The following INTS2 variants were observed in gnomAD, a reference collection of about 807,000 sequenced individuals.
INTS2 encodes KIAA1287.
Under a neutral mutation model 139.6 loss-of-function variants are expected in INTS2, and 57 were observed. That is an observed-to-expected ratio of 0.41 (90% CI 0.33 to 0.51). INTS2 has a LOEUF of 0.51. INTS2 is among the 20% of genes least tolerant of loss of function. The probability of loss-of-function intolerance (pLI) is 0.28; values close to 1 mark genes in which losing one functional copy is unlikely to be tolerated. For missense variants in INTS2, 1,196 were observed against 1,436.7 expected (o/e 0.83, Z 2.71); for synonymous variants, 473 against 493.4 (o/e 0.96, Z 0.55).
intron 15 of INTS2, 118 bp from the exon 16 acceptor site, chr17:61,885,123 G>A (rs999647408): frequency 2.3e-5 from 15 of 662,028 alleles, no homozygotes; most frequent in African/African-American, 2.0e-4. Context: ...ATTAACCTGC[G>A]AATATAGCAT....
chr17:61,879,020 TA>T (rs1336151375), intron 17 of INTS2, among the ~76,000 whole-genome samples: 3 of 150,748 alleles, frequency 2.0e-5, no homozygotes, highest in Non-Finnish European at 3.0e-5. Context: ...TTTTTTAATT[TA>T]TTTTTTTTCA....
chr17:61,903,352 G>C (rs2079428788), intron 9 of INTS2, among the ~76,000 whole-genome samples: 1 of 151,380 alleles, frequency 6.6e-6, no homozygotes, highest in African/African-American at 2.4e-5. Context: ...CACCACGCCT[G>C]GGTAATATGA....
Position 61,869,078 on chromosome 17 carries a change from C to T in INTS2, c.3200G>A (p.Ser1067Asn), listed in dbSNP as rs207476529. 3.1e-6 allele frequency: 5 copies of T among 1,613,004 alleles called. No individual in the cohort carries two copies. The highest frequency in any genetic ancestry group is 3.4e-6 in the Non-Finnish European group (4 of 1,179,188). ...GACATTGACAGCTAAACGAGCCACA[C>T]TAAGTGACTTTGGTAATGCATATTG... ...CIQYALPKSL[S>N]VARLAVNVMG... is the part of the protein sequence containing the mutation. Residue 1067 changes from serine to asparagine, a missense_variant, in exon 23 of 25, where the codon AGT becomes AAT. Around this residue, in one of 3 missense-constraint regions of INTS2, gnomAD observed 1,129 missense variants for 1,341.9 expected, o/e 0.84. Transcript: ENST00000251334. The surrounding 1 kb of genome is among the most constrained non-coding windows in gnomAD (Gnocchi z 5.4).
In INTS2 at chr17:61,867,404, T is replaced by TA. The variant is rs1603370630; in HGVS notation, c.*152dup. ...CAGAAACAAGCAAGCATAATTCTCA[T>TA]AAAGTTCTAAACTATACTCATGTTG... On this transcript the variant is annotated 3_prime_UTR_variant, in exon 25 of 25. Coordinates refer to ENST00000251334, the MANE Select transcript of INTS2 (RefSeq NM_001351695.2). The surrounding 1 kb of genome is among the most constrained non-coding windows in gnomAD (Gnocchi z 5.6). 4 of 445,602 alleles carry TA rather than the reference T, an allele frequency of 9.0e-6. No homozygotes were observed. In the East Asian group the frequency reaches 1.3e-4, roughly 15 times the overall value. 27.6% of individuals were successfully genotyped at this position (445,602 alleles called of 1,614,324 possible).
chr17:61,925,376 C>T (rs1269366929), intron 2 of INTS2, among the ~76,000 whole-genome samples: 1 of 151,456 alleles, frequency 6.6e-6, no homozygotes, highest in Non-Finnish European at 1.5e-5. Context: ...GTTGGGAGTT[C>T]GAGACCAGCC....
chr17:61,917,955 A>G (rs1391510609), intron 5 of INTS2, among the ~76,000 whole-genome samples: 2 of 152,222 alleles, frequency 1.3e-5, no homozygotes, highest in African/African-American at 4.8e-5. Context: ...GGCTCAATTC[A>G]TCATAAAGAT....
chr17:61,884,416 C>G, intron 16 of INTS2, among the ~76,000 whole-genome samples: 1 of 151,906 alleles, frequency 6.6e-6, no homozygotes, highest in East Asian at 1.9e-4. Flanking sequence ...TCACTTGAAC[C>G]CAGGAGGTGG....
At chr17:61,914,594 T>G (rs866484875) in intron 5 of INTS2, among the ~76,000 whole-genome samples, 86 of 150,884 alleles carry the variant, frequency 5.7e-4, no homozygotes, top group African/African-American at 2.0e-3. Context: ...TCCCAGCTAC[T>G]CGGGAGGCTG....
At chr17:61,877,071 G>A (rs983334590) in intron 18 of INTS2, among the ~76,000 whole-genome samples, 9 of 152,146 alleles carry the variant, frequency 5.9e-5, no homozygotes, top group South Asian at 2.1e-4. Flanking sequence ...AAGGGGCAAT[G>A]TGTATTAGAA....
rs543002037 is a variant in INTS2 at position 61,869,496 on chromosome 17, G to A, written c.3031-116C>T. On this transcript the variant is annotated intron_variant, in intron 21 of 24. Coordinates refer to ENST00000251334, the MANE Select transcript of INTS2 (RefSeq NM_001351695.2). This position sits in a 1 kb window ranked among gnomAD's most constrained non-coding sequence, Gnocchi z 5.4. ...TGTAAAAATTGCTCAGAAGGCTATA[G>A]TGCCCCATATGTAACCTGGCATTTC... is the stretch of plus-strand genomic sequence containing the variant. 1.2e-6 allele frequency: 1 copy of A among 857,788 alleles called. No homozygotes were observed. The highest frequency in any genetic ancestry group is 2.7e-5 in the East Asian group (1 of 37,450). 53.1% of individuals were successfully genotyped at this position (857,788 alleles called of 1,614,324 possible). A position where few individuals can be genotyped will look rare whatever the true frequency, so the allele number is the denominator to read the frequency against.
chr17:61,875,121 G>A lies in INTS2; in HGVS notation c.2457-83C>T. ...CATCCAGTCCTTTCTATCTTAGAAA[G>A]TTATATTCAGTAAATAATTAGAAAA... On this transcript the variant is annotated intron_variant, in intron 18 of 24. Transcript: ENST00000251334. This position sits in a 1 kb window ranked among gnomAD's most constrained non-coding sequence, Gnocchi z 4.6. 1 of 968,978 alleles carries A rather than the reference G, an allele frequency of 1.0e-6. No homozygotes were observed. The highest frequency in any genetic ancestry group is 1.4e-6 in the Non-Finnish European group (1 of 706,858). 60.0% of individuals were successfully genotyped at this position (968,978 alleles called of 1,614,324 possible).
intron 4 of INTS2, among the ~76,000 whole-genome samples, chr17:61,920,744 AG>A (rs1007563257): frequency 6.6e-6 from 1 of 151,656 alleles, no homozygotes; most frequent in Non-Finnish European, 1.5e-5. Flanking sequence ...CGGAGGTTGC[AG>A]TGAGCCGAGA....
At chr17:61,922,958 T>C (rs914513025) in intron 3 of INTS2, among the ~76,000 whole-genome samples, 1 of 150,450 alleles carries the variant, frequency 6.6e-6, no homozygotes, top group Admixed American at 6.6e-5. Context: ...GTGCCTGTAA[T>C]TCTAGCTACT....
At chr17:61,878,349 G>A (rs1204956525) in intron 17 of INTS2, among the ~76,000 whole-genome samples, 1 of 151,952 alleles carries the variant, frequency 6.6e-6, no homozygotes, top group Non-Finnish European at 1.5e-5. Flanking sequence ...GATCACTTGA[G>A]GTCAGGAGTT....
At chr17:61,901,472 C>T (rs1360913062) in intron 9 of INTS2, among the ~76,000 whole-genome samples, 3 of 139,008 alleles carry the variant, frequency 2.2e-5, no homozygotes, top group African/African-American at 5.6e-5. Flanking sequence ...ATAGACACTA[C>T]AAAGAAGAAA....
In INTS2 at chr17:61,873,139, C is replaced by T. The variant is rs546784251; in HGVS notation, c.2583-679G>A. ...GGAAATGCACATAATCACCAAAGCA[C>T]TATTGATAAAAGCAAAAAGTAGAAA... On this transcript the variant is annotated intron_variant, in intron 19 of 24. Transcript: ENST00000251334. This position sits in a 1 kb window ranked among gnomAD's most constrained non-coding sequence, Gnocchi z 4.0. Among the ~76,000 whole-genome samples the T allele has an allele frequency of 3.3e-5, 5 of 152,242 alleles. No homozygotes were observed. The highest frequency in any genetic ancestry group is 2.6e-4 in the Admixed American group (4 of 15,290).
chr17:61,909,815 ATGTGTG>A lies in INTS2; in HGVS notation c.954+1699_954+1704del, dbSNP rs765163741. 1.5e-3 allele frequency among the ~76,000 whole-genome samples: 112 copies of A among 72,544 alleles called. No homozygotes were observed. The East Asian group carries it at 0.089, about 57-fold the overall frequency. The allele number at this position is 72,544 out of a possible 152,430, so 47.6% of individuals were successfully genotyped here. ...TATACATATATACGTGTGTGTGTAC[ATGTGTG>A]TATGTGTGTGTGTGTGTGTGTGTGT... On this transcript the variant is annotated intron_variant, in intron 7 of 24. Coordinates refer to ENST00000251334, the MANE Select transcript of INTS2 (RefSeq NM_001351695.2). This position sits in a 1 kb window ranked among gnomAD's most constrained non-coding sequence, Gnocchi z 4.9.
rs2079528612 is a variant in INTS2, at chr17:61,911,740, A to G, written c.781-47T>C. 3 of 1,562,820 alleles carry G rather than the reference A, an allele frequency of 1.9e-6. No homozygotes were observed. The South Asian group carries it at 3.5e-5, about 18-fold the overall frequency. ...ACTGAATTCAGTATCATAAGCAAAA[A>G]GGCCAGTGATGCTTCCAAATCTAAA... On this transcript the variant is annotated intron_variant, in intron 6 of 24. Coordinates refer to ENST00000251334, the MANE Select transcript of INTS2 (RefSeq NM_001351695.2).
chr17:61,878,290 C>T (rs1333191158), intron 17 of INTS2, among the ~76,000 whole-genome samples: 2 of 152,114 alleles, frequency 1.3e-5, no homozygotes, highest in African/African-American at 4.8e-5. Context: ...CAGATGGATG[C>T]GGTGGCTCAC....
Sources: allele counts gnomAD v4.1 joint callset (sites outside exome capture counted in the v4.1 genomes callset), GRCh38; gene constraint gnomAD v4.1.1; regional missense constraint gnomAD v4.1.1; non-coding constraint Gnocchi (gnomAD v3.1); transcripts MANE v1.5; gene names NCBI Gene and HGNC (gene_info 2026-07-23, HGNC 2026-07-21).